DNER: variants seen among roughly 807,000 people sequenced by gnomAD.
DNER encodes the protein delta and Notch-like epidermal growth factor-related receptor.
A neutral mutation model predicts 78.2 loss-of-function variants in DNER; 33 were observed. The ratio of observed to expected loss-of-function variants is 0.42; its 90% CI spans 0.32 to 0.56. The LOEUF (loss-of-function observed/expected upper bound fraction) is 0.56, where lower values mean the gene tolerates loss of function less well. Ranked by LOEUF, DNER falls within the 20% of genes least tolerant of loss-of-function variation. The probability of loss-of-function intolerance (pLI) is 0.11; values close to 1 mark genes in which losing one functional copy is unlikely to be tolerated. For missense variants in DNER, 918 were observed against 975.3 expected, an observed-to-expected ratio of 0.94 and a Z score of 0.78; for synonymous variants, 417 against 384.8, an observed-to-expected ratio of 1.08 and a Z score of -0.98.
At chr2:229,447,965 CT>C (rs1694374014) in intron 7 of DNER, among the ~76,000 whole-genome samples, 1 of 152,130 alleles carries the variant, frequency 6.6e-6, no homozygotes, top group South Asian at 2.1e-4. Flanking sequence ...TCTTATTTTG[CT>C]TTAATAGATA....
In DNER at chr2:229,588,832, G is replaced by A. The variant is rs1697548168; in HGVS notation, c.586-344C>T. Among the ~76,000 whole-genome samples the A allele has an allele frequency of 2.0e-5, 3 of 152,152 alleles. No homozygotes were observed. In the South Asian group the frequency reaches 6.2e-4, roughly 32 times the overall value. On this transcript the variant is annotated intron_variant, in intron 2 of 12. Coordinates refer to ENST00000341772, the MANE Select transcript of DNER (RefSeq NM_139072.4). ...TTGACCCCTGCACTATGCTTAACCT[G>A]ATGCTAACCAGGAGGCCAACTTTAA...
intron 1 of DNER, among the ~76,000 whole-genome samples, chr2:229,626,766 A>G (rs1698352636): frequency 6.6e-6 from 1 of 152,268 alleles, no homozygotes; most frequent in Non-Finnish European, 1.5e-5. Flanking sequence ...CTTTAAATAA[A>G]TATCAAGTCA....
intron 7 of DNER, among the ~76,000 whole-genome samples, chr2:229,451,785 T>TCTG (rs1185616571): frequency 6.6e-6 from 1 of 152,228 alleles, no homozygotes; most frequent in South Asian, 2.1e-4. Context: ...CCAGGACTTA[T>TCTG]GTTTCTATCC....
intron 11 of DNER, among the ~76,000 whole-genome samples, chr2:229,374,078 G>T (rs1459420014): frequency 9.2e-5 from 14 of 152,134 alleles, no homozygotes. Context: ...TGAGGCACAA[G>T]AATGGCTTGA....
intron 5 of DNER, among the ~76,000 whole-genome samples, chr2:229,540,987 A>G (rs1183407974): frequency 2.0e-5 from 3 of 152,234 alleles, no homozygotes; most frequent in African/African-American, 7.2e-5. Context: ...AAACTATGGG[A>G]TTGTTATTGA....
chr2:229,528,213 TGAGTGGTGGCA>T (rs1445282371), intron 5 of DNER, among the ~76,000 whole-genome samples: 1 of 152,152 alleles, frequency 6.6e-6, no homozygotes, highest in African/African-American at 2.4e-5. Context: ...CAAAAGACGA[TGAGTGGTGGCA>T]GAAACTTCCT....
intron 5 of DNER, among the ~76,000 whole-genome samples, chr2:229,542,627 G>A (rs1345052721): frequency 3.3e-5 from 5 of 152,044 alleles, no homozygotes; most frequent in Admixed American, 6.6e-5. Context: ...ACATTGGGTG[G>A]AAGGTTGGAC....
At chr2:229,393,312 C>T (rs1693057617) in intron 10 of DNER, among the ~76,000 whole-genome samples, 4 of 151,882 alleles carry the variant, frequency 2.6e-5, no homozygotes, top group African/African-American at 7.3e-5. Context: ...CCTATAATCC[C>T]AACTACTCAG....
At chr2:229,678,735 T>C (rs1374478600) in intron 1 of DNER, among the ~76,000 whole-genome samples, 1 of 152,196 alleles carries the variant, frequency 6.6e-6, no homozygotes, top group East Asian at 1.9e-4. Flanking sequence ...AGAAGAAAAG[T>C]ACATCAACTC....
chr2:229,423,720 A>G (rs2106351608), intron 8 of DNER, among the ~76,000 whole-genome samples: 1 of 152,306 alleles, frequency 6.6e-6, no homozygotes, highest in East Asian at 1.9e-4. Context: ...AAAACACTTC[A>G]CAAGAACAAC....
rs115720204 is a variant in DNER at position 229,531,360 on chromosome 2, A to G, written c.993+15587T>C. On this transcript the variant is annotated intron_variant, in intron 5 of 12. Transcript: ENST00000341772. ...GAATTCAGTTTTGTTGGGGAAACTCATTTTTTTCCAAAGACATAAAGCACC... is the reference window on the plus strand; with the variant it reads ...GAATTCAGTTTTGTTGGGGAAACTCGTTTTTTTCCAAAGACATAAAGCACC... Among the ~76,000 whole-genome samples the G allele has an allele frequency of 3.6e-3, 547 of 152,242 alleles. 4 individuals carry two copies. The highest frequency in any genetic ancestry group is 0.024 in the East Asian group (124 of 5,178).
At chr2:229,394,674 C>T (rs1022100520) in intron 10 of DNER, among the ~76,000 whole-genome samples, 3 of 152,288 alleles carry the variant, frequency 2.0e-5, no homozygotes, top group South Asian at 4.2e-4. Flanking sequence ...CCATCTGTCG[C>T]ACTGCAGTAA....
intron 12 of DNER, among the ~76,000 whole-genome samples, chr2:229,364,869 T>TTG (rs1692307863): frequency 4.0e-5 from 5 of 124,554 alleles, no homozygotes; most frequent in African/African-American, 1.1e-4. Flanking sequence ...TTTTTTTTTT[T>TTG]AGGTAGAGTC....
At position 229,396,838 on chromosome 2, in the gene DNER, GGC is replaced by G. The variant is rs1415208934; in HGVS notation, c.1724-8444_1724-8443del. Among the ~76,000 whole-genome samples, 3 of 152,036 alleles carry G rather than the reference GGC, an allele frequency of 2.0e-5. No individual in the cohort carries two copies. In the East Asian group the frequency reaches 5.8e-4, roughly 29 times the overall value. On this transcript the variant is annotated intron_variant, in intron 10 of 12. Transcript: ENST00000341772. The stretch of plus-strand genomic sequence containing the variant: ...CCCACAAAGGGGAAAATTATGCCAG[GGC>G]AACAAAAAGTACCTCTGAGACTCTG...
At chr2:229,500,800 C>T (rs1405268122) in intron 6 of DNER, among the ~76,000 whole-genome samples, 1 of 152,086 alleles carries the variant, frequency 6.6e-6, no homozygotes, top group Non-Finnish European at 1.5e-5. Flanking sequence ...ACCTACCACC[C>T]AAGCAGTATA....
At chr2:229,713,420 C>T in intron 1 of DNER, among the ~76,000 whole-genome samples, 1 of 152,244 alleles carries the variant, frequency 6.6e-6, no homozygotes, top group South Asian at 2.1e-4. Flanking sequence ...CTTCCCGGTG[C>T]CCTGCTCACG....
rs1209068867 is a variant in DNER at position 229,591,493 on chromosome 2, T to C, written c.585+87A>G. 1 of 1,444,304 alleles carries C rather than the reference T, an allele frequency of 6.9e-7. No homozygotes were observed. The highest frequency in any genetic ancestry group is 1.4e-5 in the African/African-American group (1 of 70,120). 89.5% of individuals were successfully genotyped at this position (1,444,304 alleles called of 1,614,324 possible). The stretch of plus-strand genomic sequence containing the variant: ...CGTGATTTAACTTAAAATGCTTTCA[T>C]TTTTAATTGCTGATACTAGAACCGC... On this transcript the variant is annotated intron_variant, in intron 2 of 12. Transcript: ENST00000341772. The surrounding 1 kb of genome is among the most constrained non-coding windows in gnomAD (Gnocchi z 4.6).
At chr2:229,487,788 A>T (rs1224711074) in intron 6 of DNER, among the ~76,000 whole-genome samples, 1 of 152,218 alleles carries the variant, frequency 6.6e-6, no homozygotes, top group African/African-American at 2.4e-5. Context: ...CTTAGGCTCC[A>T]GATGAGGAGG....
intron 5 of DNER, among the ~76,000 whole-genome samples, chr2:229,544,530 A>T (rs1041524976): frequency 6.6e-6 from 1 of 151,094 alleles, no homozygotes; most frequent in Non-Finnish European, 1.5e-5. Context: ...ATATTTATAT[A>T]TTTTATTTAT....
Sources: gnomAD v4.1 joint callset for allele counts (sites outside exome capture counted in the v4.1 genomes callset) on GRCh38, gnomAD v4.1.1 for gene constraint, Gnocchi (gnomAD v3.1) non-coding constraint, MANE v1.5 for transcripts, NCBI Gene and HGNC (gene_info 2026-07-23, HGNC 2026-07-21) for gene names.